The following TCF4 variants were observed in gnomAD, a reference collection of about 807,000 sequenced individuals.
TCF4 encodes the protein SL3-3 enhancer factor 2.
TCF4 carries 3 observed loss-of-function variants against 82.1 expected under a neutral mutation model. The ratio of observed to expected loss-of-function variants is 0.04; its 90% CI spans 0.02 to 0.09. TCF4 has a LOEUF of 0.09. Among genes scored for constraint, TCF4 ranks in the 10% least tolerant of loss-of-function variants. The pLI, the probability that TCF4 is intolerant of heterozygous loss-of-function variation, is 1.00. For missense variants in TCF4, 518 were observed against 852.7 expected (o/e 0.61, Z 4.89); for synonymous variants, 276 against 309.6 (o/e 0.89, Z 1.14).
intron 3 of TCF4, among the ~76,000 whole-genome samples, chr18:55,471,061 C>T (rs1345659560): frequency 6.6e-6 from 1 of 152,128 alleles, no homozygotes; most frequent in Admixed American, 6.5e-5. Context: ...ATATGCTCTC[C>T]GTCAGTGCCA....
intron 3 of TCF4, among the ~76,000 whole-genome samples, chr18:55,567,785 A>G (rs2097422972): frequency 6.6e-6 from 1 of 152,178 alleles, no homozygotes. Context: ...CATAGAGTAC[A>G]CATTCTTCTG....
At chr18:55,287,739 T>TG (rs1322923532) in intron 8 of TCF4, among the ~76,000 whole-genome samples, 1 of 152,230 alleles carries the variant, frequency 6.6e-6, no homozygotes, top group Non-Finnish European at 1.5e-5. Flanking sequence ...GCCTTCTGCG[T>TG]GCAAAGCACA....
At chr18:55,426,230 G>A (rs1364194224) in intron 5 of TCF4, among the ~76,000 whole-genome samples, 6 of 151,956 alleles carry the variant, frequency 3.9e-5, no homozygotes, top group African/African-American at 1.5e-4. Flanking sequence ...AACTGACATG[G>A]TTGTGAAATG....
chr18:55,582,787 T>C (rs2097587845), intron 3 of TCF4, among the ~76,000 whole-genome samples: 1 of 152,084 alleles, frequency 6.6e-6, no homozygotes, highest in Non-Finnish European at 1.5e-5. Flanking sequence ...CTACTTATAG[T>C]TTAGATCTTT....
intron 6 of TCF4, among the ~76,000 whole-genome samples, chr18:55,365,153 C>CAA: frequency 2.1e-5 from 1 of 48,444 alleles, no homozygotes; most frequent in African/African-American, 9.6e-5. Flanking sequence ...ACTCCATCTC[C>CAA]AAAATATATA....
intron 3 of TCF4, among the ~76,000 whole-genome samples, chr18:55,509,377 C>T (rs773643963): frequency 5.3e-5 from 8 of 152,042 alleles, no homozygotes; most frequent in Non-Finnish European, 7.4e-5. Context: ...ACCACCACCA[C>T]ATACTCAGTT....
intron 3 of TCF4, among the ~76,000 whole-genome samples, chr18:55,557,444 T>C (rs1317957432): frequency 2.6e-5 from 4 of 152,068 alleles, no homozygotes; most frequent in African/African-American, 4.8e-5. Context: ...GCCACACTAA[T>C]AGAAATTACT....
intron 15 of TCF4, among the ~76,000 whole-genome samples, chr18:55,240,066 G>A (rs752028222): frequency 6.6e-6 from 1 of 152,134 alleles, no homozygotes; most frequent in East Asian, 1.9e-4. Flanking sequence ...TATACAATGG[G>A]AACTTTAGGA....
At chr18:55,322,047 G>C (rs1270325616) in intron 8 of TCF4, 1 of 1,152,902 alleles carries the variant, frequency 8.7e-7, no homozygotes, top group Non-Finnish European at 1.1e-6. Context: ...GAATAATGCC[G>C]ATTCTTACAA....
intron 5 of TCF4, among the ~76,000 whole-genome samples, chr18:55,436,195 T>C (rs945745942): frequency 2.7e-4 from 41 of 152,242 alleles, no homozygotes; most frequent in African/African-American, 9.4e-4. Flanking sequence ...AATAGTGAGA[T>C]ATGCCTTCAA....
chr18:55,246,289 G>C (rs1347917235), intron 15 of TCF4, among the ~76,000 whole-genome samples: 1 of 151,654 alleles, frequency 6.6e-6, no homozygotes, highest in Non-Finnish European at 1.5e-5. Context: ...AACTGGGAAA[G>C]ACAAGGTTTT....
At chr18:55,502,600 TG>T (rs1427587062) in intron 3 of TCF4, among the ~76,000 whole-genome samples, 2 of 152,288 alleles carry the variant, frequency 1.3e-5, no homozygotes, top group South Asian at 4.1e-4. Flanking sequence ...CCTTTTAAAG[TG>T]GGGATTACAA....
At chr18:55,330,212 C>T (rs2077292376) in intron 8 of TCF4, among the ~76,000 whole-genome samples, 1 of 135,868 alleles carries the variant, frequency 7.4e-6, no homozygotes, top group African/African-American at 2.8e-5. Context: ...GATGTAGTCT[C>T]ACTCTGTTGC....
At chr18:55,337,349 A>T (rs2078871953) in intron 8 of TCF4, among the ~76,000 whole-genome samples, 1 of 152,208 alleles carries the variant, frequency 6.6e-6, no homozygotes, top group Non-Finnish European at 1.5e-5. Flanking sequence ...GCAACCAGAT[A>T]TAATGAAAAT....
At chr18:55,262,060 T>G (rs188437041) in intron 11 of TCF4, among the ~76,000 whole-genome samples, 1 of 152,308 alleles carries the variant, frequency 6.6e-6, no homozygotes, top group East Asian at 1.9e-4. Context: ...GAAAATATTT[T>G]TAATGTTTTA....
chr18:55,477,618 C>A (rs2096322196), intron 3 of TCF4, among the ~76,000 whole-genome samples: 1 of 152,218 alleles, frequency 6.6e-6, no homozygotes, highest in Non-Finnish European at 1.5e-5. Flanking sequence ...CAGTTGCCAT[C>A]AGTTTAAGAA....
At chr18:55,370,725 A>T (rs1022719371) in intron 6 of TCF4, among the ~76,000 whole-genome samples, 1 of 152,188 alleles carries the variant, frequency 6.6e-6, no homozygotes, top group Non-Finnish European at 1.5e-5. Context: ...AAAGGATGAA[A>T]GCATCTCCTT....
At chr18:55,243,148 T>C (rs943463141) in intron 15 of TCF4, among the ~76,000 whole-genome samples, 3 of 152,344 alleles carry the variant, frequency 2.0e-5, no homozygotes, top group Admixed American at 2.0e-4. Context: ...CACAACTAAA[T>C]AATATCCCAA....
intron 3 of TCF4, among the ~76,000 whole-genome samples, chr18:55,498,063 A>C (rs2096657244): frequency 6.6e-6 from 1 of 152,122 alleles, no homozygotes; most frequent in Non-Finnish European, 1.5e-5. Flanking sequence ...TGTCAGTCAC[A>C]CAAGTGTTTC....
Sources: allele counts gnomAD v4.1 joint callset (sites outside exome capture counted in the v4.1 genomes callset), GRCh38; gene constraint gnomAD v4.1.1; transcripts MANE v1.5; gene names NCBI Gene and HGNC (gene_info 2026-07-23, HGNC 2026-07-21).